The following SCML2 variants were observed in gnomAD, a reference collection of about 807,000 sequenced individuals.
SCML2 encodes the protein sex comb on midleg-like protein 2.
In SCML2, 6 loss-of-function variants were observed where a neutral mutation model predicts 48.4. That is an observed-to-expected ratio of 0.12 (90% confidence interval 0.07 to 0.24). The LOEUF (loss-of-function observed/expected upper bound fraction) is 0.24. Ranked by LOEUF, SCML2 falls within the 10% of genes least tolerant of loss-of-function variation. The pLI is 1.00. For synonymous variants in SCML2, 181 were observed against 189.5 expected (o/e 0.95, Z 0.37); for missense variants, 377 against 528.2 (o/e 0.71, Z 2.81).
chrX:18,298,048 A>C (rs1308577877), intron 7 of SCML2, among the ~76,000 whole-genome samples: 3 of 110,781 alleles, frequency 2.7e-5, no homozygotes, highest in African/African-American at 9.8e-5. Flanking sequence ...ACACTTAGGA[A>C]GAAATTTTAC....
At chrX:18,344,917 G>A (rs990322245) in intron 1 of SCML2, among the ~76,000 whole-genome samples, 3 of 111,212 alleles carry the variant, frequency 2.7e-5, no homozygotes, top group Non-Finnish European at 5.7e-5. Flanking sequence ...TGTTGGCAGT[G>A]GTGATACTAC....
rs1384203940 is a variant in SCML2, at chrX:18,247,777, G to A, written c.1562C>T (p.Ala521Val). 2.5e-6 allele frequency: 3 copies of A among 1,186,850 alleles called. No individual in the cohort carries two copies. The highest frequency in any genetic ancestry group is 1.8e-5 in the South Asian group (1 of 56,142). ...GTGTAAATGCTATTTACCTTCAGAC[G>A]CATACTCCTTTGTTTTGGGGAGCTT... ...SPKLPKTKEY[A>V]SEGEPLFAGG... is the part of the protein sequence containing the mutation. The change falls in exon 12 of 15, where the codon GCG becomes GTG. Residue 521 changes from alanine (A) to valine (V), a missense_variant. This residue lies in a region of SCML2 where 299 missense variants were observed against 425.5 expected (regional missense o/e 0.70). Coordinates refer to ENST00000251900, the MANE Select transcript of SCML2 (RefSeq NM_006089.3).
chrX:18,338,027 A>T (rs1015354481), intron 1 of SCML2, among the ~76,000 whole-genome samples: 1 of 112,732 alleles, frequency 8.9e-6, no homozygotes, highest in Admixed American at 9.4e-5. Flanking sequence ...TCAAAGAAGA[A>T]AGCTCAAGAT....
chrX:18,331,978 T>C (rs1353612820), intron 2 of SCML2, among the ~76,000 whole-genome samples: 3 of 112,426 alleles, frequency 2.7e-5, no homozygotes, highest in Non-Finnish European at 5.6e-5. Context: ...GATGACTTCA[T>C]AGGTGGTGTT....
At position 18,241,169 on chromosome X, in the gene SCML2, A is replaced by G; in HGVS notation, c.*82T>C. ...TTTATGGGAACTGTCTACAAAACAA[A>G]AACTGCTAAGAGAAATACTTTTAAA... On this transcript the variant is annotated 3_prime_UTR_variant, in exon 15 of 15. Transcript: ENST00000251900. 1.1e-6 allele frequency: 1 copy of G among 880,451 alleles called. No individual in the cohort carries two copies. Among genetic ancestry groups the G allele is most frequent in the Non-Finnish European group, 1.5e-6 (1 of 662,114 alleles). The allele number at this position is 880,451 out of a possible 1,213,427, so 72.6% of individuals were successfully genotyped here.
At chrX:18,261,001 G>A (rs752786141) in intron 8 of SCML2, among the ~76,000 whole-genome samples, 1 of 109,303 alleles carries the variant, frequency 9.1e-6, no homozygotes, top group East Asian at 2.8e-4. Flanking sequence ...ATAACAGAGG[G>A]CATTTAAAAG....
chrX:18,252,236 T>C (rs1926689255), intron 11 of SCML2, among the ~76,000 whole-genome samples: 1 of 112,771 alleles, frequency 8.9e-6, no homozygotes, highest in South Asian at 3.6e-4. Context: ...ATCACACCAC[T>C]GCACTCCAGC....
At chrX:18,276,402 C>T (rs1280697534) in intron 7 of SCML2, among the ~76,000 whole-genome samples, 1 of 111,197 alleles carries the variant, frequency 9.0e-6, no homozygotes, top group African/African-American at 3.3e-5. Context: ...ACTGAAAAGA[C>T]GTACTCATAT....
In SCML2 at chrX:18,326,896, G is replaced by A. The variant is rs372182338; in HGVS notation, c.92-1919C>T. 1.4e-4 allele frequency among the ~76,000 whole-genome samples: 15 copies of A among 111,070 alleles called. No individual in the cohort carries two copies. The East Asian group carries it at 2.0e-3, about 15-fold the overall frequency. On this transcript the variant is annotated intron_variant, in intron 3 of 14. Coordinates refer to ENST00000251900, the MANE Select transcript of SCML2 (RefSeq NM_006089.3). ...ATGTAAGTCACTCAATAAATGGCACGTTATAAAACTAGAAGTCATAGTTGT... is the reference window on the plus strand; with the variant it reads ...ATGTAAGTCACTCAATAAATGGCACATTATAAAACTAGAAGTCATAGTTGT...
At position 18,263,564 on chromosome X, in the gene SCML2, T is replaced by C. The variant is rs558643147; in HGVS notation, c.948+2021A>G. On this transcript the variant is annotated intron_variant, in intron 8 of 14. Coordinates refer to ENST00000251900, the MANE Select transcript of SCML2 (RefSeq NM_006089.3). Reference sequence around the variant, plus strand: ...TCATTCTTTTTAAGAAATATTTATATCTTTTGTTTCATAGAAAAGAGTAAT... The same window carrying C: ...TCATTCTTTTTAAGAAATATTTATACCTTTTGTTTCATAGAAAAGAGTAAT... Among the ~76,000 whole-genome samples, 202 of 111,819 alleles carry C rather than the reference T, an allele frequency of 1.8e-3. 1 individual carries two copies. Among genetic ancestry groups the C allele is most frequent in the Middle Eastern group, 9.2e-3 (2 of 217 alleles).
chrX:18,245,519 T>A (rs757418727), intron 13 of SCML2, among the ~76,000 whole-genome samples: 2 of 112,131 alleles, frequency 1.8e-5, no homozygotes, highest in Non-Finnish European at 3.8e-5. Context: ...CAACATTAAA[T>A]GTGTCATGGT....
At chrX:18,354,511 C>G (rs1010167004) in intron 1 of SCML2, 81 bp downstream of exon 1, 6 of 224,941 alleles carry the variant, frequency 2.7e-5, no homozygotes, top group Non-Finnish European at 4.0e-5. Flanking sequence ...GGCTTCTACC[C>G]GCCCGCCCAC....
In SCML2 at chrX:18,257,347, T is replaced by C. The variant is rs765558446; in HGVS notation, c.1274-317A>G. On this transcript the variant is annotated intron_variant, in intron 10 of 14. Coordinates refer to ENST00000251900, the MANE Select transcript of SCML2 (RefSeq NM_006089.3). ...TGTCTGATCATAGCCACCAACACTA[T>C]CTTATTGCTTAGTGACTTCTTGAGT... Among the ~76,000 whole-genome samples, 4 of 111,596 alleles carry C rather than the reference T, an allele frequency of 3.6e-5. No individual in the cohort carries two copies. In the East Asian group the frequency reaches 8.5e-4, roughly 24 times the overall value.
intron 3 of SCML2, among the ~76,000 whole-genome samples, chrX:18,327,302 G>A (rs896456819): frequency 3.7e-4 from 41 of 110,979 alleles, no homozygotes; most frequent in African/African-American, 1.3e-3. Context: ...AGGTGGAGGC[G>A]AAGGTTGCAG....
intron 5 of SCML2, 81 bp from the exon 6 acceptor site, chrX:18,320,501 A>C: frequency 1.8e-6 from 1 of 563,669 alleles, no homozygotes; most frequent in Non-Finnish European, 2.8e-6. Context: ...AATAGGTTTC[A>C]TTCACCATTC....
At chrX:18,327,982 A>G (rs1176007566) in intron 3 of SCML2, among the ~76,000 whole-genome samples, 1 of 111,927 alleles carries the variant, frequency 8.9e-6, no homozygotes, top group Non-Finnish European at 1.9e-5. Flanking sequence ...TCATGTCTTC[A>G]TTGACAGACT....
intron 7 of SCML2, among the ~76,000 whole-genome samples, chrX:18,303,767 C>T (rs746729369): frequency 9.0e-6 from 1 of 111,475 alleles, no homozygotes; most frequent in African/African-American, 3.3e-5. Context: ...CTTATGGAAG[C>T]AGGAAACTGG....
intron 1 of SCML2, among the ~76,000 whole-genome samples, chrX:18,337,264 T>C (rs1343842969): frequency 1.3e-5 from 1 of 77,410 alleles, no homozygotes; most frequent in Non-Finnish European, 2.2e-5. Context: ...AACGCGCCAC[T>C]CACTGCACTC....
At chrX:18,355,091 A>G (rs1164539929), upstream of SCML2, among the ~76,000 whole-genome samples, 2 of 111,299 alleles carry the variant, frequency 1.8e-5, no homozygotes, top group Non-Finnish European at 1.9e-5. Flanking sequence ...TCGGAACTCA[A>G]GCAAGTTCGA....
Sources: allele counts gnomAD v4.1 joint callset (sites outside exome capture counted in the v4.1 genomes callset), GRCh38; gene constraint gnomAD v4.1.1; regional missense constraint gnomAD v4.1.1; transcripts MANE v1.5; gene names NCBI Gene and HGNC (gene_info 2026-07-23, HGNC 2026-07-21).